PTPRN2: variants seen among roughly 807,000 people sequenced by gnomAD.
PTPRN2 encodes the protein receptor-type tyrosine-protein phosphatase N2.
A neutral mutation model predicts 118.8 loss-of-function variants in PTPRN2; 74 were observed. That is an observed-to-expected ratio of 0.62 (90% CI 0.52 to 0.76). PTPRN2 has a LOEUF of 0.76. Ranked by LOEUF, PTPRN2 falls within the 30% of genes least tolerant of loss-of-function variation. PTPRN2 has a pLI of 0.00. For missense variants in PTPRN2, 1,481 were observed against 1,394.4 expected (o/e 1.06, Z -0.99); for synonymous variants, 641 against 608.0 (o/e 1.05, Z -0.80).
At position 157,825,762 on chromosome 7, in the gene PTPRN2, C is replaced by T. The variant is rs377485694; in HGVS notation, c.1788+72911G>A. ...GATCTGAGAAAACCTGGCTGGATCC[C>T]GGGGGAGCAGCAGCGCTGGCCCCAG... On this transcript the variant is annotated intron_variant, in intron 12 of 22. Transcript: ENST00000389418. Among the ~76,000 whole-genome samples the T allele has an allele frequency of 3.5e-3, 530 of 152,248 alleles. 12 individuals are homozygous for T. In the South Asian group the frequency reaches 0.067, roughly 19 times the overall value.
Position 158,525,968 on chromosome 7 carries a change from C to G in PTPRN2, c.113-36183G>C, listed in dbSNP as rs1368791217. ...GTCTCAACATCCCAAGCCGACAATG[C>G]CCCCCCATTGACTCGGCTCTCTGCA... On this transcript the variant is annotated intron_variant, in intron 1 of 22. Coordinates refer to ENST00000389418, the MANE Select transcript of PTPRN2 (RefSeq NM_002847.5). The surrounding 1 kb of genome is among the most constrained non-coding windows in gnomAD (Gnocchi z 4.1). 6.6e-6 allele frequency among the ~76,000 whole-genome samples: 1 copy of G among 152,160 alleles called. No homozygotes were observed. The highest frequency in any genetic ancestry group is 1.5e-5 in the Non-Finnish European group (1 of 68,016).
intron 12 of PTPRN2, among the ~76,000 whole-genome samples, chr7:157,793,394 G>T (rs1804649657): frequency 6.6e-6 from 1 of 152,212 alleles, no homozygotes; most frequent in Non-Finnish European, 1.5e-5. Flanking sequence ...TACCCTGTGA[G>T]TATGCACGTT....
chr7:158,179,498 T>TC (rs1473987216), intron 5 of PTPRN2, among the ~76,000 whole-genome samples: 1 of 152,204 alleles, frequency 6.6e-6, no homozygotes. Flanking sequence ...TTTAATTAGG[T>TC]CCAATTTATT....
chr7:157,819,643 C>G (rs1221287985), intron 12 of PTPRN2, among the ~76,000 whole-genome samples: 2 of 152,110 alleles, frequency 1.3e-5, no homozygotes. Flanking sequence ...CTCCCCACCC[C>G]TACCTCCTTT....
At chr7:158,191,829 GC>G (rs902571358) in intron 5 of PTPRN2, among the ~76,000 whole-genome samples, 2 of 152,116 alleles carry the variant, frequency 1.3e-5, no homozygotes, top group African/African-American at 4.8e-5. Flanking sequence ...GGCAGATGGA[GC>G]CCTTACGCTG....
chr7:157,652,617 G>A (rs1055133311), intron 14 of PTPRN2, among the ~76,000 whole-genome samples: 1 of 152,112 alleles, frequency 6.6e-6, no homozygotes, highest in African/African-American at 2.4e-5. Flanking sequence ...TCCCTGAGAC[G>A]TGTGCTCTCC....
At chr7:157,548,519 T>C (rs866204604) in intron 22 of PTPRN2, among the ~76,000 whole-genome samples, 33 of 152,172 alleles carry the variant, frequency 2.2e-4, no homozygotes, top group African/African-American at 7.7e-4. Flanking sequence ...ATGAGGGATT[T>C]TGGGTGCTCA....
intron 2 of PTPRN2, among the ~76,000 whole-genome samples, chr7:158,320,499 A>T (rs73746486): frequency 3.9e-5 from 6 of 151,948 alleles, no homozygotes; most frequent in African/African-American, 2.4e-5. Flanking sequence ...TGGCGCCCCC[A>T]TCGCCCGCAT....
intron 3 of PTPRN2, among the ~76,000 whole-genome samples, chr7:158,209,120 A>T (rs1380727583): frequency 5.9e-5 from 9 of 152,058 alleles, no homozygotes. Context: ...ACTTAAAAAA[A>T]AAAGTAAGGA....
chr7:157,908,041 C>T (rs1221811745), intron 11 of PTPRN2, among the ~76,000 whole-genome samples: 1 of 152,248 alleles, frequency 6.6e-6, no homozygotes, highest in Non-Finnish European at 1.5e-5. Flanking sequence ...CCTTTATTCT[C>T]CTCGGACACA....
intron 11 of PTPRN2, among the ~76,000 whole-genome samples, chr7:158,070,594 T>TG (rs1554527606): frequency 0.11 from 3,499 of 31,196 alleles, 893 homozygotes; most frequent in South Asian, 0.15. Context: ...TGGAGGTGCC[T>TG]GTGGTGGAGG....
intron 11 of PTPRN2, among the ~76,000 whole-genome samples, chr7:157,910,254 C>T (rs1470960797): frequency 1.3e-5 from 2 of 151,500 alleles, no homozygotes; most frequent in African/African-American, 4.9e-5. Context: ...GCACGTACAC[C>T]GTGGGAACGG....
chr7:157,887,392 AG>A (rs1350183040), intron 12 of PTPRN2, among the ~76,000 whole-genome samples: 7 of 151,268 alleles, frequency 4.6e-5, no homozygotes, highest in African/African-American at 9.7e-5. Context: ...AAATGACAAA[AG>A]ATGCCCACTC....
In PTPRN2 at chr7:158,147,372, A is replaced by C. The variant is rs796912715; in HGVS notation, c.911-8857T>G. Among the ~76,000 whole-genome samples, 64 of 8,478 alleles carry C rather than the reference A, an allele frequency of 7.5e-3. 8 individuals carry two copies. The highest frequency in any genetic ancestry group is 9.2e-3 in the Non-Finnish European group (43 of 4,680). The allele number at this position is 8,478 out of a possible 152,430, so 5.6% of individuals were successfully genotyped here. ...TCACGCCACGTATCTTTCCCCCTCA[A>C]TGACACCCCATCTCACGCCACGTGT... On this transcript the variant is annotated intron_variant, in intron 6 of 22. Coordinates refer to ENST00000389418, the MANE Select transcript of PTPRN2 (RefSeq NM_002847.5).
chr7:158,513,802 G>A (rs1024212600), intron 1 of PTPRN2, among the ~76,000 whole-genome samples: 1 of 152,158 alleles, frequency 6.6e-6, no homozygotes, highest in African/African-American at 2.4e-5. Flanking sequence ...CCGGGCAGCG[G>A]GAATGTTTTG....
At chr7:157,741,960 A>C (rs1054367655) in intron 12 of PTPRN2, among the ~76,000 whole-genome samples, 7 of 152,226 alleles carry the variant, frequency 4.6e-5, no homozygotes, top group Non-Finnish European at 8.8e-5. Context: ...ACGAACCAAT[A>C]AATGAATGTG....
chr7:157,685,286 G>A (rs571758855), intron 12 of PTPRN2, among the ~76,000 whole-genome samples: 141 of 152,064 alleles, frequency 9.3e-4, no homozygotes, highest in Non-Finnish European at 1.7e-3. Flanking sequence ...GGAGGACACC[G>A]CGCGCTCACG....
chr7:157,871,961 C>T (rs554888829), intron 12 of PTPRN2, among the ~76,000 whole-genome samples: 9 of 143,602 alleles, frequency 6.3e-5, no homozygotes, highest in Non-Finnish European at 1.1e-4. Context: ...ACATACCCAG[C>T]GCTTCCCCAC....
chr7:158,174,309 C>T (rs905217214), intron 5 of PTPRN2, among the ~76,000 whole-genome samples: 5 of 152,176 alleles, frequency 3.3e-5, no homozygotes, highest in African/African-American at 1.2e-4. Flanking sequence ...ACTATCTCCA[C>T]CATCAACAGC....
Sources: allele counts gnomAD v4.1 joint callset (sites outside exome capture counted in the v4.1 genomes callset), GRCh38; gene constraint gnomAD v4.1.1; non-coding constraint Gnocchi (gnomAD v3.1); transcripts MANE v1.5; gene names NCBI Gene and HGNC (gene_info 2026-07-23, HGNC 2026-07-21).